The following CCDC148 variants were observed in gnomAD, a reference collection of about 807,000 sequenced individuals.
CCDC148 encodes coiled-coil domain containing 148.
In CCDC148, 89 loss-of-function variants were observed where a neutral mutation model predicts 85.7. That is an observed-to-expected ratio of 1.04 (90% CI 0.87 to 1.24). The LOEUF is 1.24. Among genes scored for constraint, CCDC148 ranks in the 50% most tolerant of loss-of-function variants. The probability of loss-of-function intolerance (pLI) is 0.00; values close to 1 mark genes in which losing one functional copy is unlikely to be tolerated. For synonymous variants in CCDC148, 230 were observed against 213.9 expected, an observed-to-expected ratio of 1.08 and a Z score of -0.66; for missense variants, 692 against 671.7, an observed-to-expected ratio of 1.03 and a Z score of -0.33.
At chr2:158,216,744 G>A (rs1686885601) in intron 11 of CCDC148, among the ~76,000 whole-genome samples, 1 of 152,014 alleles carries the variant, frequency 6.6e-6, no homozygotes, top group South Asian at 2.1e-4. Context: ...TCTCTTTCTG[G>A]CTTGAAGTGT....
intron 13 of CCDC148, among the ~76,000 whole-genome samples, chr2:158,175,452 T>C (rs939625187): frequency 2.0e-5 from 3 of 152,034 alleles, no homozygotes; most frequent in Non-Finnish European, 4.4e-5. Context: ...ACTTCTCCAG[T>C]CGGGGTTAGC....
intron 1 of CCDC148, among the ~76,000 whole-genome samples, chr2:158,381,226 T>C (rs186422842): frequency 9.2e-5 from 14 of 152,118 alleles, no homozygotes; most frequent in African/African-American, 3.1e-4. Flanking sequence ...AATATTTGAA[T>C]CCAGAATACA....
chr2:158,424,516 A>G (rs1471884349), intron 1 of CCDC148, among the ~76,000 whole-genome samples: 2 of 151,938 alleles, frequency 1.3e-5, no homozygotes, highest in Non-Finnish European at 2.9e-5. Context: ...GAATTGAACA[A>G]TGAGAACACT....
intron 1 of CCDC148, among the ~76,000 whole-genome samples, chr2:158,403,705 C>G (rs889870104): frequency 7.9e-5 from 12 of 151,996 alleles, no homozygotes; most frequent in Non-Finnish European, 1.2e-4. Context: ...CACACACACA[C>G]ACAAACACAT....
intron 2 of CCDC148, among the ~76,000 whole-genome samples, chr2:158,356,000 A>G (rs1380244668): frequency 7.4e-6 from 1 of 135,786 alleles, no homozygotes; most frequent in Non-Finnish European, 1.5e-5. Context: ...TATTTAATAA[A>G]TGGTGCTGGG....
At chr2:158,332,140 G>A (rs1693165877) in intron 7 of CCDC148, among the ~76,000 whole-genome samples, 1 of 152,064 alleles carries the variant, frequency 6.6e-6, no homozygotes, top group African/African-American at 2.4e-5. Context: ...TGCAGTGGCT[G>A]GTACTGGTTG....
chr2:158,346,275 A>G lies in CCDC148; in HGVS notation c.148-957T>C, dbSNP rs539194882. ...GACTGAAGGCAGGGAAGAAAGGAGA[A>G]GCCAAAGGATTATGTCATCTTGCCT... On this transcript the variant is annotated intron_variant, in intron 2 of 13. Coordinates refer to ENST00000283233, the MANE Select transcript of CCDC148 (RefSeq NM_138803.4). Among the ~76,000 whole-genome samples the G allele has an allele frequency of 2.0e-5, 3 of 152,294 alleles. No individual in the cohort carries two copies. The South Asian group carries it at 6.2e-4, about 32-fold the overall frequency.
chr2:158,268,999 C>G (rs977208799), intron 9 of CCDC148, among the ~76,000 whole-genome samples: 1 of 152,106 alleles, frequency 6.6e-6, no homozygotes, highest in Non-Finnish European at 1.5e-5. Flanking sequence ...GTTTCCATAT[C>G]TTGACTGTTG....
chr2:158,392,214 T>C (rs1001433905), intron 1 of CCDC148, among the ~76,000 whole-genome samples: 1 of 152,132 alleles, frequency 6.6e-6, no homozygotes, highest in Non-Finnish European at 1.5e-5. Context: ...ACTGAGCATA[T>C]AATATGGTCC....
Position 158,453,705 on chromosome 2 carries a change from T to C in CCDC148, c.25+2710A>G, listed in dbSNP as rs563503066. Reference sequence around the variant, plus strand: ...GAATTTACCACTAATCTTTAGGGGATAATATGAAAAAAATAAACATTGGAA... The same window carrying C: ...GAATTTACCACTAATCTTTAGGGGACAATATGAAAAAAATAAACATTGGAA... On this transcript the variant is annotated intron_variant, in intron 1 of 13. Coordinates refer to ENST00000283233, the MANE Select transcript of CCDC148 (RefSeq NM_138803.4). Among the ~76,000 whole-genome samples the C allele has an allele frequency of 3.3e-5, 5 of 152,292 alleles. No individual in the cohort carries two copies. In the East Asian group the frequency reaches 5.8e-4, roughly 18 times the overall value.
At chr2:158,330,622 T>G (rs1332810545) in intron 7 of CCDC148, among the ~76,000 whole-genome samples, 3 of 152,212 alleles carry the variant, frequency 2.0e-5, no homozygotes, top group East Asian at 3.8e-4. Flanking sequence ...AATTCAGCTG[T>G]GAATCCATCT....
chr2:158,265,835 A>G (rs1410264175), intron 9 of CCDC148, among the ~76,000 whole-genome samples: 1 of 152,156 alleles, frequency 6.6e-6, no homozygotes, highest in Non-Finnish European at 1.5e-5. Context: ...TCTATATTCC[A>G]TATCTAGATT....
At position 158,294,989 on chromosome 2, in the gene CCDC148, T is replaced by C. The variant is rs574473051; in HGVS notation, c.1110+14444A>G. Among the ~76,000 whole-genome samples, 234 of 152,276 alleles carry C rather than the reference T, an allele frequency of 1.5e-3. 1 individual carries two copies. The highest frequency in any genetic ancestry group is 5.5e-3 in the African/African-American group (228 of 41,552). On this transcript the variant is annotated intron_variant, in intron 9 of 13. Coordinates refer to ENST00000283233, the MANE Select transcript of CCDC148 (RefSeq NM_138803.4). ...TAATACTAATAGCCCCCTGTGGTTTTAACCTGTATTTTTCTACTAATTAGT... is the reference window on the plus strand; with the variant it reads ...TAATACTAATAGCCCCCTGTGGTTTCAACCTGTATTTTTCTACTAATTAGT...
At chr2:158,222,352 C>A (rs566402168) in intron 10 of CCDC148, among the ~76,000 whole-genome samples, 1 of 152,116 alleles carries the variant, frequency 6.6e-6, no homozygotes, top group Non-Finnish European at 1.5e-5. Context: ...AGGCCCCAGG[C>A]GTATGTTATA....
chr2:158,397,042 C>T (rs1034744370), intron 1 of CCDC148, among the ~76,000 whole-genome samples: 11 of 151,982 alleles, frequency 7.2e-5, no homozygotes, highest in South Asian at 4.2e-4. Flanking sequence ...CAGGGATGTA[C>T]GGTGCAAAAT....
intron 1 of CCDC148, among the ~76,000 whole-genome samples, chr2:158,394,630 G>C (rs778986601): frequency 2.6e-5 from 4 of 151,776 alleles, no homozygotes; most frequent in Non-Finnish European, 5.9e-5. Flanking sequence ...AAAAACTGTG[G>C]AGAAACCCCA....
rs560864324 is a variant in CCDC148, at chr2:158,256,429, C to T, written c.1111-5517G>A. Among the ~76,000 whole-genome samples, 22 of 151,804 alleles carry T rather than the reference C, an allele frequency of 1.4e-4. No individual in the cohort carries two copies. In the South Asian group the frequency reaches 4.6e-3, roughly 32 times the overall value. ...ATATGATATGCTCTGCAATTTTCTT[C>T]TCCACGCAAAGCTGACTTCAATGAA... is the stretch of plus-strand genomic sequence containing the variant. On this transcript the variant is annotated intron_variant, in intron 9 of 13. Coordinates refer to ENST00000283233, the MANE Select transcript of CCDC148 (RefSeq NM_138803.4).
chr2:158,424,953 T>A, intron 1 of CCDC148: 1 of 312,958 alleles, frequency 3.2e-6, no homozygotes, highest in Non-Finnish European at 6.3e-6. Flanking sequence ...CTGGGAAGTG[T>A]TAAATCAAAG....
At chr2:158,426,698 G>A (rs1008020059) in intron 1 of CCDC148, among the ~76,000 whole-genome samples, 3 of 152,128 alleles carry the variant, frequency 2.0e-5, no homozygotes, top group African/African-American at 7.2e-5. Context: ...TTAATCTTGT[G>A]CAACCAATTT....
Sources: gnomAD v4.1 joint callset for allele counts (sites outside exome capture counted in the v4.1 genomes callset) on GRCh38, gnomAD v4.1.1 for gene constraint, MANE v1.5 for transcripts, NCBI Gene and HGNC (gene_info 2026-07-23, HGNC 2026-07-21) for gene names.